The following USO1 variants were observed in gnomAD, a reference collection of about 807,000 sequenced individuals.
The protein encoded by USO1 is USO1 vesicle transport factor, also known as general vesicular transport factor p115.
A neutral mutation model predicts 124.5 loss-of-function variants in USO1; 57 were observed. That is an observed-to-expected ratio of 0.46 (90% CI 0.37 to 0.57). The LOEUF (loss-of-function observed/expected upper bound fraction) is 0.57, where lower values mean the gene tolerates loss of function less well. USO1 is among the 20% of genes least tolerant of loss of function. The probability of loss-of-function intolerance (pLI) is 0.00; values close to 1 mark genes in which losing one functional copy is unlikely to be tolerated. For missense variants in USO1, 900 were observed against 1,040.6 expected (o/e 0.86, Z 1.86); for synonymous variants, 369 against 362.8 (o/e 1.02, Z -0.19).
At chr4:75,801,977 G>A (rs324724) in intron 17 of USO1, among the ~76,000 whole-genome samples, 16,316 of 152,092 alleles carry the variant, frequency 0.11, 949 homozygotes, top group Middle Eastern at 0.17. Flanking sequence ...GTGCCACCAC[G>A]CTGCCTAATT....
rs372218741 is a variant in USO1 at position 75,805,344 on chromosome 4, G to A, written c.2289+41G>A. The A allele has an allele frequency of 1.0e-5, 15 of 1,489,922 alleles. No homozygotes were observed. The African/African-American group carries it at 2.0e-4, about 20-fold the overall frequency. The allele number at this position is 1,489,922 out of a possible 1,614,324, so 92.3% of individuals were successfully genotyped here. A position where few individuals can be genotyped will look rare whatever the true frequency, so the allele number is the denominator to read the frequency against. ...AAGAAGTTAAAATAAGAGTTCAAGA[G>A]TGGTTCTCATTATCCTGCCTTTTTT... is the stretch of plus-strand genomic sequence containing the variant. On this transcript the variant is annotated intron_variant, in intron 19 of 23. Transcript: ENST00000514213.
At chr4:75,729,848 C>A in intron 1 of USO1, 1 of 263,534 alleles carries the variant, frequency 3.8e-6, no homozygotes, top group Non-Finnish European at 7.7e-6. Flanking sequence ...TCTCAGAAAG[C>A]AGAAGGGCTA....
chr4:75,787,209 C>T lies in USO1; in HGVS notation c.996+7C>T. ...TGCTGATATCCTGACTGAGGTAAAGCAAATGAAGTCAAAGCCAACTCTGTG... is the reference window on the plus strand; with the variant it reads ...TGCTGATATCCTGACTGAGGTAAAGTAAATGAAGTCAAAGCCAACTCTGTG... On this transcript the variant is annotated splice_region_variant and intron_variant, in intron 10 of 23. Transcript: ENST00000514213. 1 of 1,498,564 alleles carries T rather than the reference C, an allele frequency of 6.7e-7. No homozygotes were observed. The allele number at this position is 1,498,564 out of a possible 1,614,324, so 92.8% of individuals were successfully genotyped here. A position where few individuals can be genotyped will look rare whatever the true frequency, so the allele number is the denominator to read the frequency against.
chr4:75,797,484 T>G (rs566146185), intron 13 of USO1, among the ~76,000 whole-genome samples: 140 of 149,534 alleles, frequency 9.4e-4, no homozygotes, highest in African/African-American at 3.2e-3. Context: ...CTCTTTTTTC[T>G]TTTTTTTTAC....
At chr4:75,761,992 A>G (rs1721620490) in intron 4 of USO1, among the ~76,000 whole-genome samples, 1 of 152,010 alleles carries the variant, frequency 6.6e-6, no homozygotes, top group African/African-American at 2.4e-5. Context: ...TGTTTCTATT[A>G]TTGTGATACT....
chr4:75,798,625 A>G (rs940090582), intron 13 of USO1, among the ~76,000 whole-genome samples: 1 of 152,230 alleles, frequency 6.6e-6, no homozygotes, highest in African/African-American at 2.4e-5. Flanking sequence ...AAAATAGATT[A>G]TAGAAGAGTC....
intron 1 of USO1, among the ~76,000 whole-genome samples, chr4:75,739,538 C>CT (rs753369609): frequency 0.49 from 52,137 of 105,552 alleles, 15,076 homozygotes; most frequent in East Asian, 0.76. Context: ...TTATCTTTTT[C>CT]TTTTTTTTTT....
intron 1 of USO1, among the ~76,000 whole-genome samples, chr4:75,726,280 T>TC (rs1167394265): frequency 1.8e-5 from 1 of 55,416 alleles, no homozygotes; most frequent in Non-Finnish European, 2.9e-5. Flanking sequence ...AAACTCTGTC[T>TC]CAAAAAAAAA....
At chr4:75,758,473 A>G (rs1306588003) in intron 4 of USO1, among the ~76,000 whole-genome samples, 1 of 152,208 alleles carries the variant, frequency 6.6e-6, no homozygotes. Context: ...TAAAATTAAA[A>G]GTAGAGCAGG....
At chr4:75,745,928 A>T (rs971526647) in intron 1 of USO1, among the ~76,000 whole-genome samples, 1 of 152,096 alleles carries the variant, frequency 6.6e-6, no homozygotes, top group African/African-American at 2.4e-5. Context: ...AAACGAAAAA[A>T]ACAGTTTATT....
At chr4:75,792,469 G>A (rs868721551) in intron 12 of USO1, among the ~76,000 whole-genome samples, 4 of 152,068 alleles carry the variant, frequency 2.6e-5, no homozygotes, top group Non-Finnish European at 4.4e-5. Flanking sequence ...CTTGGGAGGC[G>A]GAGGTTGCAG....
intron 4 of USO1, among the ~76,000 whole-genome samples, chr4:75,760,918 G>A (rs560142256): frequency 2.6e-5 from 4 of 152,142 alleles, no homozygotes; most frequent in East Asian, 1.9e-4. Context: ...AGGCCAAGGC[G>A]GGCAGATCAC....
intron 7 of USO1, among the ~76,000 whole-genome samples, chr4:75,772,459 G>A (rs553908666): frequency 3.9e-5 from 6 of 151,954 alleles, no homozygotes; most frequent in South Asian, 2.1e-4. Flanking sequence ...GGCTGGTCTC[G>A]AACTCCTGAC....
At position 75,813,678 on chromosome 4, in the gene USO1, T is replaced by C. The variant is rs1239957888; in HGVS notation, c.*383T>C. The C allele has an allele frequency of 1.3e-5, 2 of 154,280 alleles. No homozygotes were observed. Among genetic ancestry groups the C allele is most frequent in the Non-Finnish European group, 2.9e-5 (2 of 69,478 alleles). The allele number at this position is 154,280 out of a possible 1,614,324, so 9.6% of individuals were successfully genotyped here. ...TTGAATGTGTATTGAATTGGAATTA[T>C]TATTTCTAAATTCAGCATTTGAGTC... is the stretch of plus-strand genomic sequence containing the variant. On this transcript the variant is annotated 3_prime_UTR_variant, in exon 24 of 24. Transcript: ENST00000514213.
At chr4:75,726,710 A>G (rs761649076) in intron 1 of USO1, among the ~76,000 whole-genome samples, 9 of 152,232 alleles carry the variant, frequency 5.9e-5, no homozygotes, top group South Asian at 2.1e-4. Flanking sequence ...TCACTCATCC[A>G]TTCCCACTTG....
chr4:75,739,195 TAG>T lies in USO1; in HGVS notation c.67-13175_67-13174del, dbSNP rs1686878528. On this transcript the variant is annotated intron_variant, in intron 1 of 23. Coordinates refer to ENST00000514213, the MANE Select transcript of USO1 (RefSeq NM_003715.4). ...GTAAATTTTGAGCGTTAAGTAACCTTAGAGTTATTCTACTTTATCTTTCCATT... is the reference window on the plus strand; with the variant it reads ...GTAAATTTTGAGCGTTAAGTAACCTTAGTTATTCTACTTTATCTTTCCATT... 3.9e-5 allele frequency among the ~76,000 whole-genome samples: 6 copies of T among 152,318 alleles called. No individual in the cohort carries two copies. The South Asian group carries it at 1.2e-3, about 32-fold the overall frequency.
At chr4:75,799,511 C>A in intron 13 of USO1, 111 bp from the exon 14 acceptor site, 2 of 1,247,618 alleles carry the variant, frequency 1.6e-6, no homozygotes, top group Non-Finnish European at 2.2e-6. Context: ...TGGCTCATCT[C>A]TTGTAAGATG....
chr4:75,800,654 C>T lies in USO1; in HGVS notation c.1719C>T (p.Gly573=). ...AACAACTGATTGAGAAGAGGATTGGCAAAGAGAATTTCATAGAGAAACTAG... is the reference window on the plus strand; with the variant it reads ...AACAACTGATTGAGAAGAGGATTGGTAAAGAGAATTTCATAGAGAAACTAG... ...KLKQLIEKRI[G]KENFIEKLGF... is the part of the protein sequence containing the mutation. The change falls in exon 16 of 24, where the codon GGC becomes GGT. Residue 573 remains glycine, a synonymous_variant. Coordinates refer to ENST00000514213, the MANE Select transcript of USO1 (RefSeq NM_003715.4). 1 of 1,587,666 alleles carries T rather than the reference C, an allele frequency of 6.3e-7. No individual in the cohort carries two copies.
intron 4 of USO1, among the ~76,000 whole-genome samples, chr4:75,757,890 T>C (rs1051466330): frequency 1.3e-5 from 2 of 152,152 alleles, no homozygotes; most frequent in African/African-American, 4.8e-5. Flanking sequence ...TATTTATGGC[T>C]ATTGATTGAA....
Sources: allele counts gnomAD v4.1 joint callset (sites outside exome capture counted in the v4.1 genomes callset), GRCh38; gene constraint gnomAD v4.1.1; transcripts MANE v1.5; gene names NCBI Gene and HGNC (gene_info 2026-07-23, HGNC 2026-07-21).